Variants in TOP6BL observed in about 807,000 individuals in gnomAD.
TOP6BL encodes type 2 DNA topoisomerase 6 subunit B-like.
the TOP6BL span, chr11:66,758,168 C>T: frequency 4.1e-6 from 4 of 981,534 alleles, no homozygotes; most frequent in Non-Finnish European, 4.8e-6. Context: ...TAGTTCTGAT[C>T]TTTTTGTCCC....
the TOP6BL span, chr11:66,842,870 ACAAGAGGCT>A: frequency 6.4e-7 from 1 of 1,573,314 alleles, no homozygotes. Flanking sequence ...CAAGCAGAAA[ACAAGAGGCT>A]CAAGAGGGGC....
At chr11:66,788,425 C>T in the TOP6BL span, among the ~76,000 whole-genome samples, 2 of 152,220 alleles carry the variant, frequency 1.3e-5, no homozygotes, top group Non-Finnish European at 2.9e-5. Context: ...CATTAGATCA[C>T]CTAGGAGCTC....
At chr11:66,761,274 G>A in the TOP6BL span, among the ~76,000 whole-genome samples, 2 of 152,116 alleles carry the variant, frequency 1.3e-5, no homozygotes, top group African/African-American at 2.4e-5. Context: ...CAGAGGCTGA[G>A]GCAGGAGAAT....
At chr11:66,768,279 T>G in the TOP6BL span, among the ~76,000 whole-genome samples, 1 of 152,090 alleles carries the variant, frequency 6.6e-6, no homozygotes, top group Non-Finnish European at 1.5e-5. Flanking sequence ...TCTGAGATTC[T>G]TGTATTCAAG....
chr11:66,754,542 C>T, the TOP6BL span, among the ~76,000 whole-genome samples: 9 of 152,112 alleles, frequency 5.9e-5, no homozygotes, highest in African/African-American at 1.9e-4. Context: ...GAGTTAGAGA[C>T]TATAAAGCTG....
chr11:66,804,796 G>A, the TOP6BL span, among the ~76,000 whole-genome samples: 1 of 152,066 alleles, frequency 6.6e-6, no homozygotes, highest in African/African-American at 2.4e-5. Flanking sequence ...ATTAGGCCGG[G>A]CGTGGTGGCT....
the TOP6BL span, among the ~76,000 whole-genome samples, chr11:66,814,555 A>G: frequency 0.011 from 1,643 of 151,620 alleles, 36 homozygotes; most frequent in African/African-American, 0.037. Flanking sequence ...GAGCCACCGC[A>G]CCCGGCCTGG....
the TOP6BL span, among the ~76,000 whole-genome samples, chr11:66,803,531 C>T: frequency 4.3e-4 from 65 of 152,266 alleles, no homozygotes; most frequent in Non-Finnish European, 7.3e-4. Flanking sequence ...CAGGTTCAAG[C>T]GATTCTCCTG....
the TOP6BL span, among the ~76,000 whole-genome samples, chr11:66,797,060 C>T: frequency 4.7e-5 from 7 of 150,440 alleles, no homozygotes; most frequent in African/African-American, 1.7e-4. Context: ...AGTGCAGTGG[C>T]ATGATCTCGG....
At chr11:66,767,443 GA>G in the TOP6BL span, among the ~76,000 whole-genome samples, 17 of 152,148 alleles carry the variant, frequency 1.1e-4, no homozygotes, top group South Asian at 3.5e-3. Context: ...GGAGGAATAT[GA>G]AAAAAATCCA....
At chr11:66,799,945 G>A in the TOP6BL span, among the ~76,000 whole-genome samples, 1 of 151,842 alleles carries the variant, frequency 6.6e-6, no homozygotes, top group African/African-American at 2.4e-5. Flanking sequence ...GCTGGGTGTA[G>A]TGGCACATGC....
the TOP6BL span, among the ~76,000 whole-genome samples, chr11:66,805,353 T>G: frequency 7.9e-5 from 12 of 152,330 alleles, no homozygotes; most frequent in African/African-American, 2.4e-4. Context: ...CAGTTCATTA[T>G]TAAGGTAGGG....
chr11:66,745,313 G>GA, the TOP6BL span, among the ~76,000 whole-genome samples: 1 of 144,576 alleles, frequency 6.9e-6, no homozygotes. Flanking sequence ...GCGGGGCGGG[G>GA]TGGGGGGAGT....
At chr11:66,833,040 C>CTTTTTTTTTTTT in the TOP6BL span, among the ~76,000 whole-genome samples, 1 of 117,266 alleles carries the variant, frequency 8.5e-6, no homozygotes, top group Non-Finnish European at 1.7e-5. Context: ...ATCTTTCTGC[C>CTTTTTTTTTTTT]TTTTTTTTTT....
the TOP6BL span, among the ~76,000 whole-genome samples, chr11:66,802,507 A>G: frequency 6.6e-6 from 1 of 152,040 alleles, no homozygotes; most frequent in African/African-American, 2.4e-5. Context: ...GTTGTTGCCT[A>G]GGCTGGTGTC....
the TOP6BL span, among the ~76,000 whole-genome samples, chr11:66,813,048 G>T: frequency 6.6e-6 from 1 of 152,142 alleles, no homozygotes; most frequent in African/African-American, 2.4e-5. Flanking sequence ...TTAGATAATA[G>T]GTTTGGAGAC....
the TOP6BL span, among the ~76,000 whole-genome samples, chr11:66,784,917 T>G: frequency 6.6e-6 from 1 of 151,854 alleles, no homozygotes; most frequent in African/African-American, 2.4e-5. Flanking sequence ...GTATCTTTAA[T>G]TTCTTTTCTT....
the TOP6BL span, among the ~76,000 whole-genome samples, chr11:66,764,517 T>C: frequency 1.4e-5 from 2 of 147,830 alleles, no homozygotes; most frequent in South Asian, 2.1e-4. Flanking sequence ...AAAAAAAAAT[T>C]AGCTGGGGGT....
At chr11:66,770,024 C>A in the TOP6BL span, among the ~76,000 whole-genome samples, 1 of 151,948 alleles carries the variant, frequency 6.6e-6, no homozygotes, top group Non-Finnish European at 1.5e-5. Context: ...GGATTACAGG[C>A]GTGAGCCACC....
Sources: gnomAD v4.1 joint callset for allele counts (sites outside exome capture counted in the v4.1 genomes callset) on GRCh38, gnomAD v4.1.1 for gene constraint, MANE v1.5 for transcripts, NCBI Gene and HGNC (gene_info 2026-07-23, HGNC 2026-07-21) for gene names.